Variants in CTNNA3 observed in about 807,000 individuals in gnomAD.
CTNNA3 encodes the protein catenin alpha-3.
In CTNNA3, 76 loss-of-function variants were observed where a neutral mutation model predicts 95.7. That is an observed-to-expected ratio of 0.79 (90% CI 0.66 to 0.96). CTNNA3 has a LOEUF of 0.96. Among genes scored for constraint, CTNNA3 ranks in the 40% least tolerant of loss-of-function variants. The probability of loss-of-function intolerance (pLI) is 0.00; values close to 1 mark genes in which losing one functional copy is unlikely to be tolerated. For missense variants in CTNNA3, 1,191 were observed against 1,089.8 expected (o/e 1.09, Z -1.31); for synonymous variants, 431 against 374.4 (o/e 1.15, Z -1.74).
chr10:66,921,717 A>T (rs1383290614), intron 7 of CTNNA3, among the ~76,000 whole-genome samples: 1 of 151,832 alleles, frequency 6.6e-6, no homozygotes, highest in Admixed American at 6.6e-5. Flanking sequence ...CATACCTTGC[A>T]CTCCCAATCT....
At chr10:66,140,569 T>C (rs1412777625) in intron 13 of CTNNA3, among the ~76,000 whole-genome samples, 2 of 152,226 alleles carry the variant, frequency 1.3e-5, no homozygotes, top group African/African-American at 4.8e-5. Context: ...TCCATTTGTC[T>C]TTATGTATTT....
intron 11 of CTNNA3, among the ~76,000 whole-genome samples, chr10:66,436,651 C>T (rs919033838): frequency 6.6e-6 from 1 of 151,782 alleles, no homozygotes; most frequent in African/African-American, 2.4e-5. Flanking sequence ...TCCAATTTGT[C>T]AGTCTGTGTC....
At chr10:66,859,075 T>C (rs1843798716) in intron 7 of CTNNA3, among the ~76,000 whole-genome samples, 1 of 152,082 alleles carries the variant, frequency 6.6e-6, no homozygotes, top group South Asian at 2.1e-4. Context: ...ATGTTAAATT[T>C]AATAATAATT....
chr10:67,260,331 T>A (rs1866547958), intron 5 of CTNNA3, among the ~76,000 whole-genome samples: 1 of 152,212 alleles, frequency 6.6e-6, no homozygotes, highest in Non-Finnish European at 1.5e-5. Context: ...TGAAAAGGAT[T>A]CAAAACACTA....
At chr10:66,284,493 A>G (rs548315954) in intron 12 of CTNNA3, among the ~76,000 whole-genome samples, 2 of 150,932 alleles carry the variant, frequency 1.3e-5, no homozygotes, top group Non-Finnish European at 1.5e-5. Context: ...ATTCATGATA[A>G]TTTTCTGACA....
intron 10 of CTNNA3, among the ~76,000 whole-genome samples, chr10:66,553,265 T>G (rs1349567551): frequency 2.0e-5 from 3 of 152,070 alleles, no homozygotes; most frequent in African/African-American, 7.2e-5. Context: ...TTAATACATT[T>G]ATATTTGGTG....
At chr10:67,348,616 G>A (rs557128755) in intron 5 of CTNNA3, among the ~76,000 whole-genome samples, 1 of 152,140 alleles carries the variant, frequency 6.6e-6, no homozygotes, top group Admixed American at 6.6e-5. Flanking sequence ...ACAGAGGGAG[G>A]AGGTGCCCGG....
intron 2 of CTNNA3, among the ~76,000 whole-genome samples, chr10:67,634,005 A>G (rs1342043920): frequency 1.3e-5 from 2 of 152,162 alleles, no homozygotes; most frequent in African/African-American, 4.8e-5. Flanking sequence ...CCATGAGAAG[A>G]TCAACCCCAA....
chr10:67,285,123 C>G (rs1839547035), intron 5 of CTNNA3, among the ~76,000 whole-genome samples: 1 of 152,160 alleles, frequency 6.6e-6, no homozygotes, highest in Non-Finnish European at 1.5e-5. Context: ...TATTAAACTT[C>G]TGTTTGCTGT....
chr10:66,135,296 T>C (rs2083294008), intron 13 of CTNNA3, among the ~76,000 whole-genome samples: 1 of 152,102 alleles, frequency 6.6e-6, no homozygotes, highest in Non-Finnish European at 1.5e-5. Context: ...GCAATGAACG[T>C]TGAATATTTT....
intron 15 of CTNNA3, among the ~76,000 whole-genome samples, chr10:65,999,010 C>T (rs930965970): frequency 1.3e-5 from 2 of 152,014 alleles, no homozygotes; most frequent in African/African-American, 4.8e-5. Context: ...TGTCTAACAA[C>T]AATGAAAACC....
rs546094385 is a variant in CTNNA3 at position 66,085,618 on chromosome 10, T to A, written c.1978-16129A>T. On this transcript the variant is annotated intron_variant, in intron 14 of 17. Transcript: ENST00000433211. ...TCACCAGAGAGTCACAATGTTGGCA[T>A]GTTATTCTGACAATTCAAAAAATTC... Among the ~76,000 whole-genome samples, 20 of 152,300 alleles carry A rather than the reference T, an allele frequency of 1.3e-4. No homozygotes were observed. In the South Asian group the frequency reaches 4.1e-3, roughly 32 times the overall value.
intron 7 of CTNNA3, among the ~76,000 whole-genome samples, chr10:67,117,088 T>G (rs1219505224): frequency 3.3e-5 from 5 of 152,036 alleles, no homozygotes; most frequent in Middle Eastern, 3.4e-3. Context: ...ACAAAGATGA[T>G]GAAAACCTAA....
In CTNNA3 at chr10:66,621,678, C is replaced by G. The variant is rs944825892; in HGVS notation, c.1374+14G>C. The G allele has an allele frequency of 6.8e-7, 1 of 1,478,268 alleles. No individual in the cohort carries two copies. The highest frequency in any genetic ancestry group is 9.3e-7 in the Non-Finnish European group (1 of 1,070,774). 91.6% of individuals were successfully genotyped at this position (1,478,268 alleles called of 1,614,324 possible). A position where few individuals can be genotyped will look rare whatever the true frequency, so the allele number is the denominator to read the frequency against. On this transcript the variant is annotated intron_variant, in intron 10 of 17. Transcript: ENST00000433211. ...ATATAATTTTACACACAAAAAGTAA[C>G]TTAGTTGTCATACCTGTGGACACAA...
At chr10:66,439,473 T>C (rs771836836) in intron 11 of CTNNA3, among the ~76,000 whole-genome samples, 9 of 152,144 alleles carry the variant, frequency 5.9e-5, no homozygotes, top group Non-Finnish European at 1.3e-4. Flanking sequence ...GAGGTTAGCA[T>C]GTGCATATTT....
At chr10:65,931,042 T>C (rs1031137984) in intron 17 of CTNNA3, among the ~76,000 whole-genome samples, 1 of 152,216 alleles carries the variant, frequency 6.6e-6, no homozygotes, top group Non-Finnish European at 1.5e-5. Context: ...TTTTGCCACA[T>C]GTTGAAAATT....
intron 10 of CTNNA3, among the ~76,000 whole-genome samples, chr10:66,525,344 A>G (rs1841216740): frequency 6.6e-6 from 1 of 152,138 alleles, no homozygotes; most frequent in Admixed American, 6.6e-5. Context: ...CACTGTTCCA[A>G]ACACTTTCTA....
chr10:67,497,197 C>G (rs934417388), intron 5 of CTNNA3, among the ~76,000 whole-genome samples: 15 of 152,076 alleles, frequency 9.9e-5, no homozygotes, highest in Non-Finnish European at 1.5e-4. Context: ...GTTTTCTATC[C>G]CTGTAATAGT....
At chr10:67,152,186 C>A (rs988979142) in intron 7 of CTNNA3, among the ~76,000 whole-genome samples, 2 of 152,194 alleles carry the variant, frequency 1.3e-5, no homozygotes, top group Non-Finnish European at 2.9e-5. Context: ...AACTTGGAGA[C>A]TTCCCTTCAG....
Sources: gnomAD v4.1 joint callset for allele counts (sites outside exome capture counted in the v4.1 genomes callset) on GRCh38, gnomAD v4.1.1 for gene constraint, MANE v1.5 for transcripts, NCBI Gene and HGNC (gene_info 2026-07-23, HGNC 2026-07-21) for gene names.